Variants in RRAS2 observed in about 807,000 individuals in gnomAD.
RRAS2 encodes the protein ras-related protein R-Ras2.
A neutral mutation model predicts 27.6 loss-of-function variants in RRAS2; 7 were observed. The observed-to-expected ratio is 0.25, with a 90% CI of 0.14 to 0.48. The LOEUF (loss-of-function observed/expected upper bound fraction) is 0.48, where lower values mean the gene tolerates loss of function less well. RRAS2 is among the 20% of genes least tolerant of loss of function. The pLI, the probability that RRAS2 is intolerant of heterozygous loss-of-function variation, is 0.99. For synonymous variants in RRAS2, 86 were observed against 90.9 expected (o/e 0.95, Z 0.31); for missense variants, 178 against 256.2 (o/e 0.69, Z 2.08).
chr11:14,341,625 T>C (rs781884234), intron 1 of RRAS2, among the ~76,000 whole-genome samples: 1 of 152,154 alleles, frequency 6.6e-6, no homozygotes, highest in South Asian at 2.1e-4. Flanking sequence ...TTTCCTACTC[T>C]GAAGGAAAAC....
chr11:14,363,220 AC>A (rs1849212480), upstream of RRAS2, among the ~76,000 whole-genome samples: 1 of 152,208 alleles, frequency 6.6e-6, no homozygotes, highest in African/African-American at 2.4e-5. Context: ...CTCTTCTATC[AC>A]ACACCACCCA....
chr11:14,357,264 TCCCACTCCTAGAC>T, intron 1 of RRAS2, among the ~76,000 whole-genome samples: 1 of 152,276 alleles, frequency 6.6e-6, no homozygotes, highest in Admixed American at 6.5e-5. Context: ...AAGATTATTC[TCCCACTCCTAGAC>T]TTCTCCTCCA....
intron 1 of RRAS2, among the ~76,000 whole-genome samples, chr11:14,298,571 C>T (rs545799913): frequency 8.5e-5 from 13 of 152,302 alleles, no homozygotes; most frequent in African/African-American, 3.1e-4. Flanking sequence ...CTGCTACATG[C>T]ATTTATTTCC....
At chr11:14,336,112 T>C (rs1473984364) in intron 1 of RRAS2, among the ~76,000 whole-genome samples, 1 of 152,168 alleles carries the variant, frequency 6.6e-6, no homozygotes, top group Non-Finnish European at 1.5e-5. Flanking sequence ...ATGAACCTCC[T>C]TCTCCCAGCA....
chr11:14,340,400 CA>C (rs548640646), intron 1 of RRAS2, among the ~76,000 whole-genome samples: 1 of 151,048 alleles, frequency 6.6e-6, no homozygotes. Context: ...CGCACTCAGC[CA>C]AAAAAAAGTA....
chr11:14,282,732 GATAC>G (rs1204922043), intron 4 of RRAS2, among the ~76,000 whole-genome samples: 2 of 151,612 alleles, frequency 1.3e-5, no homozygotes, highest in Non-Finnish European at 2.9e-5. Context: ...ATTTTTCAAT[GATAC>G]ATAGTTTTTA....
rs550466865 is a variant in RRAS2 at position 14,355,986 on chromosome 11, G to A, written c.108+2777C>T. 2.0e-5 allele frequency among the ~76,000 whole-genome samples: 3 copies of A among 152,268 alleles called. No homozygotes were observed. The South Asian group carries it at 6.2e-4, about 32-fold the overall frequency. ...CATAATCTAAAATTAATATAAAAAT[G>A]TATGCAGCTTTACTACAGACTGTAC... On this transcript the variant is annotated intron_variant, in intron 1 of 5. Coordinates refer to ENST00000256196, the MANE Select transcript of RRAS2 (RefSeq NM_012250.6).
At chr11:14,291,697 A>T (rs1458049514) in intron 4 of RRAS2, among the ~76,000 whole-genome samples, 1 of 152,070 alleles carries the variant, frequency 6.6e-6, no homozygotes, top group Non-Finnish European at 1.5e-5. Context: ...TAAAAAAAAA[A>T]ACTTCCACGA....
chr11:14,310,937 GC>G (rs2133983144), intron 1 of RRAS2, among the ~76,000 whole-genome samples: 1 of 152,316 alleles, frequency 6.6e-6, no homozygotes, highest in East Asian at 1.9e-4. Flanking sequence ...AAAGGGATTA[GC>G]CAAGAACCAT....
At chr11:14,357,481 C>A (rs1322520019) in intron 1 of RRAS2, among the ~76,000 whole-genome samples, 2 of 152,128 alleles carry the variant, frequency 1.3e-5, no homozygotes, top group Non-Finnish European at 2.9e-5. Context: ...ATTTTTTTAA[C>A]CCACTAATAA....
At chr11:14,309,450 T>C (rs1046171354) in intron 1 of RRAS2, among the ~76,000 whole-genome samples, 6 of 152,216 alleles carry the variant, frequency 3.9e-5, no homozygotes, top group South Asian at 4.1e-4. Context: ...TCTTGAAGTA[T>C]TGACCATCAA....
intron 1 of RRAS2, chr11:14,364,335 C>T (rs1345421516): frequency 1.6e-5 from 25 of 1,521,242 alleles, no homozygotes; most frequent in Non-Finnish European, 2.1e-5. Context: ...CAGACAGAGC[C>T]AAGACCTGTT....
intron 1 of RRAS2, among the ~76,000 whole-genome samples, chr11:14,323,902 T>G (rs1443359952): frequency 6.6e-6 from 1 of 151,314 alleles, no homozygotes; most frequent in African/African-American, 2.4e-5. Flanking sequence ...ATTATAAATA[T>G]AATTCACCAT....
chr11:14,363,985 G>T (rs182244780), upstream of RRAS2, among the ~76,000 whole-genome samples: 1 of 150,458 alleles, frequency 6.6e-6, no homozygotes, highest in South Asian at 2.1e-4. Flanking sequence ...CAGTAGAATC[G>T]CTTGAACCCG....
rs1187021034 is a variant in RRAS2 at position 14,349,051 on chromosome 11, C to T, written c.108+9712G>A. Among the ~76,000 whole-genome samples, 4 of 152,238 alleles carry T rather than the reference C, an allele frequency of 2.6e-5. No individual in the cohort carries two copies. The South Asian group carries it at 6.2e-4, about 24-fold the overall frequency. On this transcript the variant is annotated intron_variant, in intron 1 of 5. Transcript: ENST00000256196. ...CGCGATCTCGGCTCACTGCAAGCTC[C>T]GCCTCCCAGGTTCACGCCATTCTCC...
chr11:14,302,428 G>T (rs1322456896), intron 1 of RRAS2, among the ~76,000 whole-genome samples: 1 of 152,134 alleles, frequency 6.6e-6, no homozygotes, highest in Non-Finnish European at 1.5e-5. Context: ...CTCTGGAGTC[G>T]GAGAGCCTGA....
chr11:14,303,978 C>T (rs1393029703), intron 1 of RRAS2, among the ~76,000 whole-genome samples: 1 of 152,166 alleles, frequency 6.6e-6, no homozygotes, highest in Non-Finnish European at 1.5e-5. Context: ...CCATGGGTAC[C>T]TTCCTCCTGG....
At chr11:14,312,438 T>C (rs1847993658) in intron 1 of RRAS2, among the ~76,000 whole-genome samples, 1 of 152,160 alleles carries the variant, frequency 6.6e-6, no homozygotes, top group Non-Finnish European at 1.5e-5. Flanking sequence ...TTGTTATTTT[T>C]AGAGACAATC....
At position 14,293,124 on chromosome 11, in the gene RRAS2, A is replaced by AGTATATATAT. The variant is rs1376616443; in HGVS notation, c.408+1346_408+1347insATATATATAC. ...CTCCGTCTCAAAACAAAACAAAACA[A>AGTATATATAT]ATATATATATATATATATATATATA... is the stretch of plus-strand genomic sequence containing the variant. On this transcript the variant is annotated intron_variant, in intron 4 of 5. Coordinates refer to ENST00000256196, the MANE Select transcript of RRAS2 (RefSeq NM_012250.6). Among the ~76,000 whole-genome samples, 33 of 76,794 alleles carry AGTATATATAT rather than the reference A, an allele frequency of 4.3e-4. 1 individual carries two copies. Among genetic ancestry groups the AGTATATATAT allele is most frequent in the Middle Eastern group, 0.014 (2 of 146 alleles). The allele number at this position is 76,794 out of a possible 152,430, so 50.4% of individuals were successfully genotyped here. A position where few individuals can be genotyped will look rare whatever the true frequency, so the allele number is the denominator to read the frequency against.
Sources: gnomAD v4.1 joint callset for allele counts (sites outside exome capture counted in the v4.1 genomes callset) on GRCh38, gnomAD v4.1.1 for gene constraint, MANE v1.5 for transcripts, NCBI Gene and HGNC (gene_info 2026-07-23, HGNC 2026-07-21) for gene names.